Variants in TPST1 observed in about 807,000 individuals in gnomAD.
TPST1 encodes protein-tyrosine sulfotransferase 1.
A neutral mutation model predicts 34.8 loss-of-function variants in TPST1; 20 were observed. The observed-to-expected ratio is 0.57, with a 90% confidence interval of 0.40 to 0.84. The LOEUF (loss-of-function observed/expected upper bound fraction) is 0.84. Among genes scored for constraint, TPST1 ranks in the 40% least tolerant of loss-of-function variants. The probability of loss-of-function intolerance (pLI) is 0.00; values close to 1 mark genes in which losing one functional copy is unlikely to be tolerated. For synonymous variants in TPST1, 152 were observed against 159.4 expected, an observed-to-expected ratio of 0.95 and a Z score of 0.35; for missense variants, 353 against 455.5, an observed-to-expected ratio of 0.78 and a Z score of 2.05.
At chr7:66,323,503 A>G (rs1369211993) in intron 3 of TPST1, among the ~76,000 whole-genome samples, 3 of 151,934 alleles carry the variant, frequency 2.0e-5, no homozygotes, top group Admixed American at 1.3e-4. Flanking sequence ...ATTATTATGT[A>G]TTACACTGGA....
chr7:66,272,912 C>T (rs565910731), intron 2 of TPST1, among the ~76,000 whole-genome samples: 4 of 152,176 alleles, frequency 2.6e-5, no homozygotes, highest in African/African-American at 9.6e-5. Flanking sequence ...CTGTTCAGTA[C>T]AGTACTGGAG....
At chr7:66,359,407 A>G (rs1271330717) in intron 5 of TPST1, 1 of 151,204 alleles carries the variant, frequency 6.6e-6, no homozygotes, top group Non-Finnish European at 1.5e-5. Context: ...CATGAGGAGG[A>G]ATCAGGGTGC....
chr7:66,268,088 G>C (rs895686458), intron 2 of TPST1, among the ~76,000 whole-genome samples: 1 of 151,990 alleles, frequency 6.6e-6, no homozygotes, highest in African/African-American at 2.4e-5. Flanking sequence ...AAGTAGCTGG[G>C]ATTACAGGCA....
intron 1 of TPST1, among the ~76,000 whole-genome samples, chr7:66,232,473 C>T (rs533842309): frequency 8.6e-5 from 13 of 151,770 alleles, no homozygotes; most frequent in African/African-American, 2.7e-4. Flanking sequence ...CCCGGGTTCA[C>T]GCCATTCTCC....
intron 1 of TPST1, among the ~76,000 whole-genome samples, chr7:66,216,667 A>G (rs189576025): frequency 1.1e-3 from 171 of 152,190 alleles, no homozygotes; most frequent in East Asian, 3.9e-3. Context: ...ACGAAGTTTC[A>G]CCATGTTAGC....
intron 1 of TPST1, among the ~76,000 whole-genome samples, chr7:66,232,404 G>A (rs1279747556): frequency 3.3e-5 from 5 of 151,306 alleles, no homozygotes; most frequent in South Asian, 2.1e-4. Flanking sequence ...ACAGAGTCTC[G>A]CTCTGTCTCC....
chr7:66,203,330 C>A (rs1425104466), upstream of TPST1, among the ~76,000 whole-genome samples: 3 of 151,854 alleles, frequency 2.0e-5, no homozygotes, highest in African/African-American at 7.3e-5. Flanking sequence ...GCCTAGAACT[C>A]CTGGGCTCAC....
At chr7:66,204,406 G>C (rs1789078303), upstream of TPST1, among the ~76,000 whole-genome samples, 1 of 152,294 alleles carries the variant, frequency 6.6e-6, no homozygotes, top group Non-Finnish European at 1.5e-5. Context: ...AGCAGGGACG[G>C]GGTTTCACTA....
intron 2 of TPST1, among the ~76,000 whole-genome samples, chr7:66,260,153 G>A (rs1790460014): frequency 6.6e-6 from 1 of 152,144 alleles, no homozygotes; most frequent in African/African-American, 2.4e-5. Flanking sequence ...TGGACTAGAA[G>A]TGTTTCCAAT....
At chr7:66,226,454 C>T (rs1789657909) in intron 1 of TPST1, among the ~76,000 whole-genome samples, 2 of 152,146 alleles carry the variant, frequency 1.3e-5, no homozygotes, top group Non-Finnish European at 2.9e-5. Context: ...AAAGACCCCT[C>T]TTAGGACTGA....
At chr7:66,242,978 A>C (rs1212208107) in intron 2 of TPST1, among the ~76,000 whole-genome samples, 1 of 152,212 alleles carries the variant, frequency 6.6e-6, no homozygotes, top group Non-Finnish European at 1.5e-5. Flanking sequence ...CACAATCATG[A>C]GTAGAACCTA....
At chr7:66,243,169 TTGTG>T (rs892467097) in intron 2 of TPST1, among the ~76,000 whole-genome samples, 11 of 133,688 alleles carry the variant, frequency 8.2e-5, no homozygotes, top group Middle Eastern at 3.8e-3. Flanking sequence ...GTGTGTGTGT[TTGTG>T]TGTGTGTGTG....
In TPST1 at chr7:66,219,714, A is replaced by G. The variant is rs569579756; in HGVS notation, c.-102+14192A>G. Among the ~76,000 whole-genome samples the G allele has an allele frequency of 5.9e-5, 9 of 152,358 alleles. No individual in the cohort carries two copies. In the East Asian group the frequency reaches 1.5e-3, roughly 26 times the overall value. ...GTCTTAAATTTACTTCATTTGCACC[A>G]TAATTGTTGCATACCTGGCTTTTTG... On this transcript the variant is annotated intron_variant, in intron 1 of 5. Coordinates refer to ENST00000304842, the MANE Select transcript of TPST1 (RefSeq NM_003596.4).
intron 3 of TPST1, among the ~76,000 whole-genome samples, chr7:66,317,066 TTAAAA>T (rs1445043665): frequency 6.6e-6 from 1 of 152,200 alleles, no homozygotes; most frequent in Non-Finnish European, 1.5e-5. Flanking sequence ...TCCCCTGAAC[TTAAAA>T]TAAAAGTTAA....
intron 2 of TPST1, among the ~76,000 whole-genome samples, chr7:66,247,627 G>A (rs554210841): frequency 1.6e-4 from 24 of 152,270 alleles, no homozygotes; most frequent in African/African-American, 3.6e-4. Flanking sequence ...AAAGGGAAGC[G>A]CATTTAGTTT....
At chr7:66,282,747 T>G (rs568414331) in intron 2 of TPST1, among the ~76,000 whole-genome samples, 4 of 152,168 alleles carry the variant, frequency 2.6e-5, no homozygotes, top group African/African-American at 9.7e-5. Context: ...TGTGGAATGT[T>G]TGTGTGGCTC....
intron 1 of TPST1, among the ~76,000 whole-genome samples, chr7:66,232,715 C>T (rs1789824725): frequency 6.6e-6 from 1 of 152,108 alleles, no homozygotes; most frequent in African/African-American, 2.4e-5. Flanking sequence ...ACTGTGTTGC[C>T]CATGCTTGTC....
intron 3 of TPST1, among the ~76,000 whole-genome samples, chr7:66,348,180 T>G (rs1206006941): frequency 6.6e-6 from 1 of 152,120 alleles, no homozygotes; most frequent in Non-Finnish European, 1.5e-5. Context: ...AATCCTCCCC[T>G]TCTTACCACC....
upstream of TPST1, among the ~76,000 whole-genome samples, chr7:66,204,296 T>C (rs1243675276): frequency 6.6e-6 from 1 of 152,124 alleles, no homozygotes; most frequent in Non-Finnish European, 1.5e-5. Flanking sequence ...CAAAGGAAGG[T>C]AGTTACCTTC....
Sources: allele counts gnomAD v4.1 joint callset (sites outside exome capture counted in the v4.1 genomes callset), GRCh38; gene constraint gnomAD v4.1.1; transcripts MANE v1.5; gene names NCBI Gene and HGNC (gene_info 2026-07-23, HGNC 2026-07-21).